CADM2: variants seen among roughly 807,000 people sequenced by gnomAD.
CADM2 encodes the protein immunoglobulin superfamily member 4D.
In CADM2, 12 loss-of-function variants were observed where a neutral mutation model predicts 49.8. That is an observed-to-expected ratio of 0.24 (90% CI 0.15 to 0.39). CADM2 has a LOEUF of 0.39. Among genes scored for constraint, CADM2 ranks in the 10% least tolerant of loss-of-function variants. The pLI, the probability that CADM2 is intolerant of heterozygous loss-of-function variation, is 1.00. For synonymous variants in CADM2, 214 were observed against 175.4 expected, an observed-to-expected ratio of 1.22 and a Z score of -1.74; for missense variants, 378 against 492.3, an observed-to-expected ratio of 0.77 and a Z score of 2.20.
chr3:85,419,780 A>G (rs1382771764), intron 1 of CADM2, among the ~76,000 whole-genome samples: 3 of 152,160 alleles, frequency 2.0e-5, no homozygotes, highest in East Asian at 1.9e-4. Context: ...CTAATAATAA[A>G]CCTGCCTTTT....
chr3:85,906,984 T>G (rs756939428), intron 5 of CADM2, among the ~76,000 whole-genome samples: 1 of 152,148 alleles, frequency 6.6e-6, no homozygotes, highest in Non-Finnish European at 1.5e-5. Flanking sequence ...AAGAAAGAAA[T>G]AATGGGGAAG....
At chr3:85,635,891 T>A (rs1576985855) in intron 1 of CADM2, among the ~76,000 whole-genome samples, 1 of 152,170 alleles carries the variant, frequency 6.6e-6, no homozygotes, top group African/African-American at 2.4e-5. Context: ...AAAGTCCTAT[T>A]GCTCCGTAGT....
intron 1 of CADM2, among the ~76,000 whole-genome samples, chr3:85,542,180 A>T (rs2061564532): frequency 6.6e-6 from 1 of 152,028 alleles, no homozygotes; most frequent in African/African-American, 2.4e-5. Flanking sequence ...GTGAACCTTG[A>T]TCTAGAATGT....
chr3:85,862,556 T>C (rs1396569812), intron 3 of CADM2, among the ~76,000 whole-genome samples: 1 of 152,212 alleles, frequency 6.6e-6, no homozygotes, highest in Non-Finnish European at 1.5e-5. Flanking sequence ...TATTAATGTT[T>C]ATTTTATCCA....
At chr3:85,920,368 G>T (rs1156317041) in intron 6 of CADM2, among the ~76,000 whole-genome samples, 1 of 151,708 alleles carries the variant, frequency 6.6e-6, no homozygotes, top group Non-Finnish European at 1.5e-5. Flanking sequence ...CTGTTCTTTT[G>T]ACAAACAAAA....
chr3:86,005,492 C>T (rs1029525927), intron 8 of CADM2, among the ~76,000 whole-genome samples: 1 of 150,230 alleles, frequency 6.7e-6, no homozygotes, highest in Non-Finnish European at 1.5e-5. Flanking sequence ...CAGAGATTGC[C>T]GTGAGCCGAG....
chr3:85,756,390 G>T (rs976010546), intron 2 of CADM2, among the ~76,000 whole-genome samples: 34 of 152,088 alleles, frequency 2.2e-4, no homozygotes, highest in Admixed American at 6.6e-5. Context: ...AATCCAGATT[G>T]CTCCAGATCC....
At chr3:85,074,020 T>TA (rs368850456) in intron 1 of CADM2, among the ~76,000 whole-genome samples, 199 of 152,096 alleles carry the variant, frequency 1.3e-3, no homozygotes, top group Non-Finnish European at 2.2e-3. Context: ...AACGTACAAT[T>TA]AAAAAAAATT....
At chr3:85,574,840 T>C (rs958639941) in intron 1 of CADM2, among the ~76,000 whole-genome samples, 4 of 152,026 alleles carry the variant, frequency 2.6e-5, no homozygotes, top group African/African-American at 9.7e-5. Flanking sequence ...TCTCATAAAA[T>C]TGTCAGTAGA....
At chr3:85,773,586 G>T (rs2070209333) in intron 2 of CADM2, among the ~76,000 whole-genome samples, 1 of 151,932 alleles carries the variant, frequency 6.6e-6, no homozygotes, top group Non-Finnish European at 1.5e-5. Flanking sequence ...TACTTGTTTA[G>T]GAGTTCATTA....
At chr3:86,013,590 C>G in intron 8 of CADM2, 1 of 1,601,350 alleles carries the variant, frequency 6.2e-7, no homozygotes, top group Non-Finnish European at 8.5e-7. Context: ...AGAAGAAACT[C>G]TCAGGGAAGA....
intron 1 of CADM2, among the ~76,000 whole-genome samples, chr3:85,450,424 G>A (rs913579322): frequency 1.3e-5 from 2 of 151,844 alleles, no homozygotes; most frequent in Non-Finnish European, 2.9e-5. Context: ...ACAGAAAATG[G>A]TTTTGAACAA....
chr3:85,003,602 T>G (rs2107224534), intron 1 of CADM2, among the ~76,000 whole-genome samples: 1 of 152,234 alleles, frequency 6.6e-6, no homozygotes, highest in Non-Finnish European at 1.5e-5. Flanking sequence ...TATGACTACT[T>G]AAGACTACTT....
chr3:84,967,304 T>C (rs1436334403), intron 1 of CADM2, among the ~76,000 whole-genome samples: 1 of 152,102 alleles, frequency 6.6e-6, no homozygotes, highest in Non-Finnish European at 1.5e-5. Flanking sequence ...GGCCTAAAAT[T>C]TATAGTGTGT....
At chr3:85,847,728 TAAAG>T (rs965257730) in intron 3 of CADM2, among the ~76,000 whole-genome samples, 6 of 152,112 alleles carry the variant, frequency 3.9e-5, no homozygotes, top group African/African-American at 1.4e-4. Flanking sequence ...TTGTTGACAT[TAAAG>T]AAAGCCAGAA....
At chr3:85,167,295 C>T (rs1324205204) in intron 1 of CADM2, among the ~76,000 whole-genome samples, 2 of 152,010 alleles carry the variant, frequency 1.3e-5, no homozygotes, top group South Asian at 2.1e-4. Context: ...CTCTTAATTC[C>T]ATTTAGCAGT....
intron 1 of CADM2, among the ~76,000 whole-genome samples, chr3:85,391,000 G>A (rs1303686068): frequency 6.6e-6 from 1 of 152,022 alleles, no homozygotes; most frequent in Non-Finnish European, 1.5e-5. Context: ...GGTGCATCTA[G>A]ACACCTAGGA....
chr3:85,273,697 A>G (rs1344230228), intron 1 of CADM2, among the ~76,000 whole-genome samples: 2 of 150,454 alleles, frequency 1.3e-5, no homozygotes, highest in East Asian at 1.9e-4. Flanking sequence ...TTGGTTTTAG[A>G]CATATTAAGT....
At chr3:86,011,485 G>A (rs527346603) in intron 8 of CADM2, among the ~76,000 whole-genome samples, 25 of 152,160 alleles carry the variant, frequency 1.6e-4, no homozygotes, top group East Asian at 7.7e-4. Context: ...ACCAAAGGCC[G>A]TTGCCACAAT....
Sources: allele counts gnomAD v4.1 joint callset (sites outside exome capture counted in the v4.1 genomes callset), GRCh38; gene constraint gnomAD v4.1.1; transcripts MANE v1.5; gene names NCBI Gene and HGNC (gene_info 2026-07-23, HGNC 2026-07-21).